NCOR1: variants seen among roughly 807,000 people sequenced by gnomAD.
The protein encoded by NCOR1 is nuclear receptor corepressor 1.
In NCOR1, 63 loss-of-function variants were observed where a neutral mutation model predicts 288.1. The ratio of observed to expected loss-of-function variants is 0.22; its 90% confidence interval spans 0.18 to 0.27. The LOEUF (loss-of-function observed/expected upper bound fraction) is 0.27, where lower values mean the gene tolerates loss of function less well. NCOR1 is among the 10% of genes least tolerant of loss of function. The pLI is 1.00. For synonymous variants in NCOR1, 1,007 were observed against 1,065.9 expected (o/e 0.94, Z 1.08); for missense variants, 2,397 against 3,019.2 (o/e 0.79, Z 4.83).
In NCOR1 at chr17:16,137,411, C is replaced by T. The variant is rs1195304107; in HGVS notation, c.1409G>A (p.Ser470Asn). 1 of 1,476,306 alleles carries T rather than the reference C, an allele frequency of 6.8e-7. No homozygotes were observed. The highest frequency in any genetic ancestry group is 9.2e-7 in the Non-Finnish European group (1 of 1,084,064). The allele number at this position is 1,476,306 out of a possible 1,614,324, so 91.5% of individuals were successfully genotyped here. A position where few individuals can be genotyped will look rare whatever the true frequency, so the allele number is the denominator to read the frequency against. The change falls in exon 14 of 46, where the codon AGT (serine) becomes AAT (asparagine). Residue 470 changes from serine to asparagine, a missense_variant and splice_region_variant. Coordinates refer to ENST00000268712, the MANE Select transcript of NCOR1 (RefSeq NM_006311.4). ...GLIASYLERK[S>N]VPDCVLYYYL... ...GTAATACAAAACACAATCAGGAACA[C>T]TCTGTAAGAAATAAAACAATTATTT...
chr17:16,039,132 T>A (rs1241907721), intron 44 of NCOR1: 2 of 265,804 alleles, frequency 7.5e-6, no homozygotes, highest in African/African-American at 2.2e-5. Context: ...TCAAAAACAT[T>A]ATATTTGTGT....
At chr17:16,081,851 T>G (rs2063462577) in intron 23 of NCOR1, among the ~76,000 whole-genome samples, 1 of 152,176 alleles carries the variant, frequency 6.6e-6, no homozygotes, top group Admixed American at 6.5e-5. Flanking sequence ...ACATATTCCC[T>G]AGAACCTAGA....
At chr17:16,154,773 G>GA (rs1299965325) in intron 6 of NCOR1, among the ~76,000 whole-genome samples, 1 of 152,170 alleles carries the variant, frequency 6.6e-6, no homozygotes, top group Admixed American at 6.5e-5. Context: ...GGGTTAGAAA[G>GA]AAAGGACTGA....
intron 3 of NCOR1, among the ~76,000 whole-genome samples, chr17:16,176,105 G>A (rs1312721809): frequency 1.3e-5 from 2 of 152,044 alleles, no homozygotes; most frequent in African/African-American, 2.4e-5. Context: ...CGTAATCCCA[G>A]CTACTTGGGA....
At chr17:16,066,384 A>C (rs2061124563) in intron 32 of NCOR1, among the ~76,000 whole-genome samples, 1 of 152,210 alleles carries the variant, frequency 6.6e-6, no homozygotes, top group African/African-American at 2.4e-5. Flanking sequence ...CCTAGGTGAG[A>C]GAATGACACA....
At chr17:16,150,028 A>C (rs1340027894) in intron 8 of NCOR1, among the ~76,000 whole-genome samples, 4 of 152,168 alleles carry the variant, frequency 2.6e-5, no homozygotes, top group Admixed American at 2.6e-4. Context: ...CTAAGAAGTA[A>C]TGGAGGGCAA....
At chr17:16,182,762 A>G (rs969111580) in intron 3 of NCOR1, among the ~76,000 whole-genome samples, 6 of 152,134 alleles carry the variant, frequency 3.9e-5, no homozygotes, top group Non-Finnish European at 7.4e-5. Context: ...CAAAATTTCT[A>G]TATGTATTTG....
At chr17:16,046,856 A>G (rs111507204) in intron 42 of NCOR1, 95 bp downstream of exon 42, 1 of 1,396,066 alleles carries the variant, frequency 7.2e-7, no homozygotes, top group Admixed American at 2.0e-5. Context: ...TCCTGTAAAG[A>G]GCCTTCAAAC....
At chr17:16,094,451 T>C (rs913250929) in intron 21 of NCOR1, among the ~76,000 whole-genome samples, 2 of 152,154 alleles carry the variant, frequency 1.3e-5, no homozygotes, top group African/African-American at 2.4e-5. Flanking sequence ...CTTTAAATAT[T>C]TGAATAAATA....
intron 18 of NCOR1, 52 bp from the exon 19 acceptor site, chr17:16,108,964 A>T (rs766650087): frequency 7.0e-7 from 1 of 1,435,594 alleles, no homozygotes; most frequent in Non-Finnish European, 9.3e-7. Flanking sequence ...AGAAAAAAAA[A>T]TTCATTTCTG....
At chr17:16,167,811 G>T (rs951634590) in intron 4 of NCOR1, among the ~76,000 whole-genome samples, 1 of 140,624 alleles carries the variant, frequency 7.1e-6, no homozygotes, top group Non-Finnish European at 1.5e-5. Flanking sequence ...AGTGAGCATA[G>T]ATGGCACCAC....
Position 16,073,418 on chromosome 17 carries a change from C to A in NCOR1, c.3811+11G>T. 1 of 1,554,278 alleles carries A rather than the reference C, an allele frequency of 6.4e-7. No individual in the cohort carries two copies. Among genetic ancestry groups the A allele is most frequent in the South Asian group, 1.3e-5 (1 of 79,418 alleles). ...ATGTATCAAAATAACATTCTGAAAACAATGCTTTACCCTCTAACGGTGCTG... is the reference window on the plus strand; with the variant it reads ...ATGTATCAAAATAACATTCTGAAAAAAATGCTTTACCCTCTAACGGTGCTG... On this transcript the variant is annotated intron_variant, in intron 28 of 45. Transcript: ENST00000268712.
At chr17:16,147,502 G>A (rs971648222) in intron 9 of NCOR1, among the ~76,000 whole-genome samples, 1 of 152,268 alleles carries the variant, frequency 6.6e-6, no homozygotes, top group Admixed American at 6.5e-5. Flanking sequence ...AAATAGAGAA[G>A]AAAAGACAGA....
intron 37 of NCOR1, among the ~76,000 whole-genome samples, chr17:16,058,944 G>A (rs1288807301): frequency 6.6e-6 from 1 of 151,238 alleles, no homozygotes; most frequent in East Asian, 1.9e-4. Flanking sequence ...AGCTACTCGG[G>A]AGGCTGAGGC....
At chr17:16,040,305 C>A (rs1328227547) in intron 43 of NCOR1, 136 bp downstream of exon 43, 1 of 771,070 alleles carries the variant, frequency 1.3e-6, no homozygotes, top group Non-Finnish European at 2.3e-6. Context: ...AACCTTCCTT[C>A]ACTAAATTAT....
intron 17 of NCOR1, 67 bp downstream of exon 17, chr17:16,119,356 T>C: frequency 8.8e-7 from 1 of 1,141,286 alleles, no homozygotes; most frequent in Non-Finnish European, 1.3e-6. Context: ...TAGTTCCATC[T>C]CACTCATTAC....
chr17:16,056,361 G>A (rs975419476), intron 40 of NCOR1, among the ~76,000 whole-genome samples: 6 of 131,038 alleles, frequency 4.6e-5, no homozygotes, highest in African/African-American at 1.7e-4. Flanking sequence ...CGCCCAGGCT[G>A]CAGTGCAATG....
rs781023098 is a variant in NCOR1 at position 16,034,766 on chromosome 17, T to G, written c.7134A>C (p.Thr2378=). Reference sequence around the variant, plus strand: ...TCTAAGTTAAAGCAGAATCCTTACCTGTTGAAGAGGGCCTGTCTTCCCAGG... The same window carrying G: ...TCTAAGTTAAAGCAGAATCCTTACCGGTTGAAGAGGGCCTGTCTTCCCAGG... The part of the protein sequence containing the change: ...GWAWEDRPSS[T]GSTQFPYNPL... The change falls in exon 45 of 46, where the codon ACA becomes ACC. Residue 2378 remains threonine (T), a splice_region_variant and synonymous_variant. Transcript: ENST00000268712. 8.7e-6 allele frequency: 14 copies of G among 1,609,750 alleles called. No individual in the cohort carries two copies. In the East Asian group the frequency reaches 3.1e-4, roughly 36 times the overall value.
intron 14 of NCOR1, 115 bp from the exon 15 acceptor site, chr17:16,126,321 T>C: frequency 3.8e-6 from 4 of 1,059,138 alleles, no homozygotes; most frequent in Non-Finnish European, 3.9e-6. Flanking sequence ...TCATTTACAA[T>C]GTAACTGGTG....
Sources: allele counts gnomAD v4.1 joint callset (sites outside exome capture counted in the v4.1 genomes callset), GRCh38; gene constraint gnomAD v4.1.1; transcripts MANE v1.5; gene names NCBI Gene and HGNC (gene_info 2026-07-23, HGNC 2026-07-21).